NEXMIF: variants seen among roughly 807,000 people sequenced by gnomAD.
NEXMIF encodes the protein XLMR protein related to neurite extension.
Under a neutral mutation model 62.1 loss-of-function variants are expected in NEXMIF, and 8 were observed. That is an observed-to-expected ratio of 0.13 (90% confidence interval 0.08 to 0.23). The LOEUF is 0.23. Ranked by LOEUF, NEXMIF falls within the 10% of genes least tolerant of loss-of-function variation. The probability of loss-of-function intolerance (pLI) is 1.00; values close to 1 mark genes in which losing one functional copy is unlikely to be tolerated. For missense variants in NEXMIF, 976 were observed against 1,113.3 expected (o/e 0.88, Z 1.75); for synonymous variants, 404 against 416.6 (o/e 0.97, Z 0.37).
At chrX:74,859,461 A>G (rs945342633) in intron 1 of NEXMIF, among the ~76,000 whole-genome samples, 3 of 111,712 alleles carry the variant, frequency 2.7e-5, no homozygotes, top group Non-Finnish European at 1.9e-5. Flanking sequence ...CACAAACAAA[A>G]GCTAAGAGAT....
At chrX:74,796,162 T>TA (rs1491430745) in intron 1 of NEXMIF, among the ~76,000 whole-genome samples, 8 of 40,194 alleles carry the variant, frequency 2.0e-4, no homozygotes, top group East Asian at 4.4e-4. Context: ...TACATATATA[T>TA]TATATATATT....
intron 1 of NEXMIF, among the ~76,000 whole-genome samples, chrX:74,819,433 C>T (rs1373339189): frequency 1.8e-5 from 2 of 111,220 alleles, no homozygotes; most frequent in African/African-American, 6.5e-5. Context: ...TGTAATCTAC[C>T]CATCTGACAA....
intron 1 of NEXMIF, among the ~76,000 whole-genome samples, chrX:74,889,809 T>C (rs1487833780): frequency 1.8e-5 from 2 of 111,532 alleles, no homozygotes; most frequent in Admixed American, 9.5e-5. Flanking sequence ...ATCTCAGAGA[T>C]AGCTTAATAA....
rs767887215 is a variant in NEXMIF at position 74,756,965 on chromosome X, C to G, written c.-47-11268G>C. On this transcript the variant is annotated intron_variant, in intron 1 of 3. Coordinates refer to ENST00000055682, the MANE Select transcript of NEXMIF (RefSeq NM_001008537.3). ...GTAGGGGAGAACTTCTAGGGGCTAG[C>G]CTTCTGCAAGTTCACCTACTGATGG... Among the ~76,000 whole-genome samples, 8 of 111,774 alleles carry G rather than the reference C, an allele frequency of 7.2e-5. No individual in the cohort carries two copies. In the South Asian group the frequency reaches 3.0e-3, roughly 42 times the overall value.
chrX:74,917,226 C>T (rs2080810395), intron 1 of NEXMIF, among the ~76,000 whole-genome samples: 1 of 110,890 alleles, frequency 9.0e-6, no homozygotes, highest in Non-Finnish European at 1.9e-5. Context: ...TGAGTGAGTT[C>T]TCATGAGCTC....
At chrX:74,912,866 C>T (rs749530821) in intron 1 of NEXMIF, among the ~76,000 whole-genome samples, 92 of 111,632 alleles carry the variant, frequency 8.2e-4, no homozygotes, top group Middle Eastern at 4.6e-3. Flanking sequence ...ATGAGAAGTC[C>T]TGCCCTCCAA....
At chrX:74,885,381 A>C (rs1445950438) in intron 1 of NEXMIF, among the ~76,000 whole-genome samples, 2 of 111,786 alleles carry the variant, frequency 1.8e-5, no homozygotes, top group Admixed American at 1.9e-4. Context: ...AAAGATCAAC[A>C]AAATTGATAG....
intron 1 of NEXMIF, among the ~76,000 whole-genome samples, chrX:74,911,195 A>C (rs2147373725): frequency 9.0e-6 from 1 of 111,481 alleles, no homozygotes; most frequent in South Asian, 3.9e-4. Context: ...CAAGGCGGGA[A>C]GATCACCTGA....
At chrX:74,837,452 T>C (rs2080460917) in intron 1 of NEXMIF, among the ~76,000 whole-genome samples, 1 of 111,931 alleles carries the variant, frequency 8.9e-6, no homozygotes, top group Non-Finnish European at 1.9e-5. Flanking sequence ...AACCAGATAC[T>C]CATTTTGGTT....
At chrX:74,858,690 G>A (rs1460340645) in intron 1 of NEXMIF, among the ~76,000 whole-genome samples, 1 of 111,035 alleles carries the variant, frequency 9.0e-6, no homozygotes, top group Non-Finnish European at 1.9e-5. Flanking sequence ...TAGGCACCAG[G>A]GGCCAATCCT....
chrX:74,872,807 T>C (rs1280732767), intron 1 of NEXMIF, among the ~76,000 whole-genome samples: 3 of 109,968 alleles, frequency 2.7e-5, no homozygotes, highest in African/African-American at 6.6e-5. Context: ...ACATACCTAC[T>C]ATGTGTCAAC....
chrX:74,787,344 T>C (rs1225039073), intron 1 of NEXMIF, among the ~76,000 whole-genome samples: 1 of 110,522 alleles, frequency 9.0e-6, no homozygotes, highest in Non-Finnish European at 1.9e-5. Context: ...CCTTCTCTAC[T>C]TGATCAATAC....
intron 1 of NEXMIF, among the ~76,000 whole-genome samples, chrX:74,876,265 G>A (rs1378564560): frequency 9.0e-6 from 1 of 111,256 alleles, no homozygotes; most frequent in Non-Finnish European, 1.9e-5. Flanking sequence ...AGTCATTCAG[G>A]AGCAGGTTGC....
At chrX:74,747,816 A>G (rs2080130365) in intron 1 of NEXMIF, among the ~76,000 whole-genome samples, 1 of 111,296 alleles carries the variant, frequency 9.0e-6, no homozygotes, top group African/African-American at 3.3e-5. Flanking sequence ...GGATTTCGCC[A>G]TGTTGGCCAG....
chrX:74,857,238 G>A (rs961223062), intron 1 of NEXMIF, among the ~76,000 whole-genome samples: 1 of 111,984 alleles, frequency 8.9e-6, no homozygotes, highest in African/African-American at 3.2e-5. Flanking sequence ...ACAGCTCATG[G>A]CTCCAAAAGA....
chrX:74,739,145 A>G lies in NEXMIF; in HGVS notation c.*260T>C. Reference sequence around the variant, plus strand: ...GGACAACTTCCCCAAATACAACCAAATGTTGATATAGAAGTAAAAATATAT... The same window carrying G: ...GGACAACTTCCCCAAATACAACCAAGTGTTGATATAGAAGTAAAAATATAT... On this transcript the variant is annotated 3_prime_UTR_variant, in exon 4 of 4. Transcript: ENST00000055682. 2 of 212,505 alleles carry G rather than the reference A, an allele frequency of 9.4e-6. No homozygotes were observed. The highest frequency in any genetic ancestry group is 1.7e-5 in the Non-Finnish European group (2 of 118,447). The allele number at this position is 212,505 out of a possible 1,213,427, so 17.5% of individuals were successfully genotyped here.
chrX:74,830,801 T>A lies in NEXMIF; in HGVS notation c.-47-85104A>T, dbSNP rs1007474919. Among the ~76,000 whole-genome samples, 3 of 112,056 alleles carry A rather than the reference T, an allele frequency of 2.7e-5. No homozygotes were observed. The South Asian group carries it at 1.1e-3, about 41-fold the overall frequency. Reference sequence around the variant, plus strand: ...TTAAATTAATTCCTAGGTATTTGATTTTATTGGTGGCTATTATGAAAGAGA... The same window carrying A: ...TTAAATTAATTCCTAGGTATTTGATATTATTGGTGGCTATTATGAAAGAGA... On this transcript the variant is annotated intron_variant, in intron 1 of 3. Coordinates refer to ENST00000055682, the MANE Select transcript of NEXMIF (RefSeq NM_001008537.3).
chrX:74,791,609 G>C, intron 1 of NEXMIF, among the ~76,000 whole-genome samples: 1 of 111,023 alleles, frequency 9.0e-6, no homozygotes, highest in South Asian at 3.9e-4. Context: ...TCTGGTCCTG[G>C]ACTCTTTTTG....
rs967121521 is a variant in NEXMIF, at chrX:74,786,731, A to G, written c.-47-41034T>C. On this transcript the variant is annotated intron_variant, in intron 1 of 3. Transcript: ENST00000055682. The stretch of plus-strand genomic sequence containing the variant: ...CACTTACAAACTCAAAAAGGCACAT[A>G]TTGACTAAATGATTCTGACAGGAGA... Among the ~76,000 whole-genome samples, 5 of 111,580 alleles carry G rather than the reference A, an allele frequency of 4.5e-5. No individual in the cohort carries two copies. In the Admixed American group the frequency reaches 4.8e-4, roughly 11 times the overall value.
Sources: gnomAD v4.1 joint callset for allele counts (sites outside exome capture counted in the v4.1 genomes callset) on GRCh38, gnomAD v4.1.1 for gene constraint, MANE v1.5 for transcripts, NCBI Gene and HGNC (gene_info 2026-07-23, HGNC 2026-07-21) for gene names.